The following PDE4D variants were observed in gnomAD, a reference collection of about 807,000 sequenced individuals.
The protein encoded by PDE4D is 3',5'-cyclic-AMP phosphodiesterase 4D.
In PDE4D, 24 loss-of-function variants were observed where a neutral mutation model predicts 87.4. The observed-to-expected ratio is 0.27, with a 90% CI of 0.20 to 0.39. The LOEUF is 0.39. Among genes scored for constraint, PDE4D ranks in the 10% least tolerant of loss-of-function variants. PDE4D has a pLI of 1.00. For missense variants in PDE4D, 714 were observed against 1,041.0 expected, an observed-to-expected ratio of 0.69 and a Z score of 4.32; for synonymous variants, 384 against 383.2, an observed-to-expected ratio of 1.00 and a Z score of -0.02.
chr5:59,598,256 AC>A (rs1826987724), intron 1 of PDE4D, among the ~76,000 whole-genome samples: 1 of 152,194 alleles, frequency 6.6e-6, no homozygotes, highest in East Asian at 1.9e-4. Context: ...AAAGTAGCAA[AC>A]CTGATCAAAT....
intron 2 of PDE4D, chr5:60,160,695 G>T: frequency 3.3e-6 from 1 of 305,896 alleles, no homozygotes; most frequent in Non-Finnish European, 6.4e-6. Flanking sequence ...TCAGTACTTT[G>T]ACTATCATGG....
At chr5:59,855,934 T>C (rs894224286) in intron 1 of PDE4D, among the ~76,000 whole-genome samples, 2 of 152,132 alleles carry the variant, frequency 1.3e-5, no homozygotes, top group Non-Finnish European at 2.9e-5. Context: ...CAGGCAATCT[T>C]TTTTTCTGGT....
intron 1 of PDE4D, among the ~76,000 whole-genome samples, chr5:59,668,803 G>GAAA (rs1200922669): frequency 8.9e-6 from 1 of 112,974 alleles, no homozygotes; most frequent in African/African-American, 3.7e-5. Context: ...AGAAGAAGAA[G>GAAA]AAAGAAGAAG....
intron 1 of PDE4D, among the ~76,000 whole-genome samples, chr5:59,219,984 G>A (rs1438013687): frequency 6.6e-6 from 1 of 152,034 alleles, no homozygotes; most frequent in Non-Finnish European, 1.5e-5. Flanking sequence ...TTTGAGGCTT[G>A]GTATTAAAGA....
intron 2 of PDE4D, among the ~76,000 whole-genome samples, chr5:60,019,156 T>C (rs936483209): frequency 6.6e-6 from 1 of 152,126 alleles, no homozygotes; most frequent in Non-Finnish European, 1.5e-5. Flanking sequence ...ACAGTCAAAC[T>C]GGAACTCAAG....
intron 1 of PDE4D, among the ~76,000 whole-genome samples, chr5:59,404,726 T>A (rs1791321237): frequency 6.6e-6 from 1 of 152,148 alleles, no homozygotes; most frequent in Non-Finnish European, 1.5e-5. Flanking sequence ...CAATGTTTTC[T>A]TTCAATAGTT....
intron 1 of PDE4D, among the ~76,000 whole-genome samples, chr5:60,439,634 C>T (rs1367417591): frequency 6.6e-6 from 1 of 152,094 alleles, no homozygotes; most frequent in Non-Finnish European, 1.5e-5. Context: ...ACTGAGACAT[C>T]ATATCAAATT....
At chr5:59,609,376 G>GGACACACACACACA (rs1247729994) in intron 1 of PDE4D, among the ~76,000 whole-genome samples, 2 of 20,638 alleles carry the variant, frequency 9.7e-5, no homozygotes, top group African/African-American at 2.9e-4. Context: ...ATTTGTATAT[G>GGACACACACACACA]TACACACACA....
At chr5:60,204,192 A>ATCTATCTAGCTAGCTAGCTATCTC (rs1476289740) in intron 1 of PDE4D, among the ~76,000 whole-genome samples, 89 of 152,292 alleles carry the variant, frequency 5.8e-4, no homozygotes, top group African/African-American at 2.1e-3. Context: ...CTGTCTATCT[A>ATCTATCTAGCTAGCTAGCTATCTC]TCTATCTAGC....
At chr5:60,142,305 C>T (rs1196520132) in intron 2 of PDE4D, among the ~76,000 whole-genome samples, 1 of 152,100 alleles carries the variant, frequency 6.6e-6, no homozygotes, top group African/African-American at 2.4e-5. Context: ...GTCTACTGCG[C>T]ACTATGCTTT....
chr5:60,515,471 T>C (rs1157712260), intron 1 of PDE4D, among the ~76,000 whole-genome samples: 1 of 152,184 alleles, frequency 6.6e-6, no homozygotes, highest in African/African-American at 2.4e-5. Flanking sequence ...TGTTATAAGT[T>C]ATTAGAGTGG....
chr5:60,254,314 T>C (rs1006051939), intron 1 of PDE4D, among the ~76,000 whole-genome samples: 2 of 151,984 alleles, frequency 1.3e-5, no homozygotes, highest in African/African-American at 4.8e-5. Context: ...TTCATGCTTA[T>C]GCCAGCAACC....
Position 59,519,346 on chromosome 5 carries a change from T to C in PDE4D, c.456-303378A>G, listed in dbSNP as rs540802081. ...ATGAATAAAAATACAGCAGGGAACGTCAAGGTGGAAGAAAAAGCATGAATA... is the reference window on the plus strand; with the variant it reads ...ATGAATAAAAATACAGCAGGGAACGCCAAGGTGGAAGAAAAAGCATGAATA... On this transcript the variant is annotated intron_variant, in intron 1 of 14. Transcript: ENST00000340635. Among the ~76,000 whole-genome samples the C allele has an allele frequency of 2.0e-5, 3 of 152,206 alleles. No homozygotes were observed. The East Asian group carries it at 5.8e-4, about 29-fold the overall frequency.
At chr5:60,018,176 G>A (rs1765707129) in intron 2 of PDE4D, among the ~76,000 whole-genome samples, 2 of 151,840 alleles carry the variant, frequency 1.3e-5, no homozygotes, top group South Asian at 4.2e-4. Context: ...AGAGATTGGG[G>A]GCCAAGATTC....
chr5:60,436,683 G>A (rs2150125207), intron 1 of PDE4D, among the ~76,000 whole-genome samples: 1 of 152,172 alleles, frequency 6.6e-6, no homozygotes, highest in South Asian at 2.1e-4. Context: ...ATTCATACAT[G>A]TTTAGAAGCA....
intron 1 of PDE4D, among the ~76,000 whole-genome samples, chr5:59,706,642 G>T (rs1455195752): frequency 6.6e-6 from 1 of 152,096 alleles, no homozygotes; most frequent in East Asian, 1.9e-4. Flanking sequence ...GATGCTTCAT[G>T]GTTTAGAGAG....
At chr5:59,527,879 A>ACT (rs1229147089) in intron 1 of PDE4D, among the ~76,000 whole-genome samples, 1 of 152,198 alleles carries the variant, frequency 6.6e-6, no homozygotes, top group African/African-American at 2.4e-5. Flanking sequence ...ATGCACCCTT[A>ACT]CTTTCATCTG....
chr5:59,552,552 C>T (rs1219023473), intron 1 of PDE4D, among the ~76,000 whole-genome samples: 2 of 152,130 alleles, frequency 1.3e-5, no homozygotes, highest in Non-Finnish European at 2.9e-5. Context: ...AGAAACGACT[C>T]ACACTTAAAA....
intron 1 of PDE4D, among the ~76,000 whole-genome samples, chr5:60,415,470 G>A (rs544529038): frequency 1.3e-5 from 2 of 152,352 alleles, no homozygotes; most frequent in African/African-American, 4.8e-5. Context: ...AGGTGCAGGC[G>A]GGAACCGGGG....
Sources: allele counts gnomAD v4.1 joint callset (sites outside exome capture counted in the v4.1 genomes callset), GRCh38; gene constraint gnomAD v4.1.1; transcripts MANE v1.5; gene names NCBI Gene and HGNC (gene_info 2026-07-23, HGNC 2026-07-21).